EVI5L: variants seen among roughly 807,000 people sequenced by gnomAD.
EVI5L encodes the protein ecotropic viral integration site 5 like.
In EVI5L, 30 loss-of-function variants were observed where a neutral mutation model predicts 106.1. The observed-to-expected ratio is 0.28, with a 90% CI of 0.21 to 0.38. The LOEUF is 0.38. Among genes scored for constraint, EVI5L ranks in the 10% least tolerant of loss-of-function variants. The pLI is 1.00. For missense variants in EVI5L, 809 were observed against 1,098.0 expected (o/e 0.74, Z 3.72); for synonymous variants, 489 against 483.3 (o/e 1.01, Z -0.15).
Position 7,862,964 on chromosome 19 carries a change from G to T in EVI5L, c.1948-8G>T, listed in dbSNP as rs1287290337. 2.6e-6 allele frequency: 3 copies of T among 1,142,826 alleles called. No individual in the cohort carries two copies. The highest frequency in any genetic ancestry group is 4.1e-5 in the Admixed American group (2 of 48,378). 70.8% of individuals were successfully genotyped at this position (1,142,826 alleles called of 1,614,324 possible). On this transcript the variant is annotated splice_region_variant and splice_polypyrimidine_tract_variant and intron_variant, in intron 17 of 19. Transcript: ENST00000538904. ...CGCCCTCCTTTCCCCCCAATCCCCC[G>T]ACCCCAGAGCAAGGAGGAGGTGATG...
chr19:7,848,761 C>A lies in EVI5L; in HGVS notation c.328-160C>A. ...TCCAGCCTGGGTGACAGAGGGAGAC[C>A]CTGTCTCTGAAAAAAGGGGGTAAAA... is the stretch of plus-strand genomic sequence containing the variant. On this transcript the variant is annotated intron_variant, in intron 3 of 19. Transcript: ENST00000538904. This position sits in a 1 kb window ranked among gnomAD's most constrained non-coding sequence, Gnocchi z 4.8. 1 of 663,908 alleles carries A rather than the reference C, an allele frequency of 1.5e-6. No homozygotes were observed. The highest frequency in any genetic ancestry group is 2.5e-6 in the Non-Finnish European group (1 of 392,680). The allele number at this position is 663,908 out of a possible 1,614,324, so 41.1% of individuals were successfully genotyped here. A position where few individuals can be genotyped will look rare whatever the true frequency, so the allele number is the denominator to read the frequency against.
intron 10 of EVI5L, among the ~76,000 whole-genome samples, chr19:7,853,943 C>T (rs1408124933): frequency 6.6e-6 from 1 of 152,194 alleles, no homozygotes; most frequent in African/African-American, 2.4e-5. Context: ...CTCTCTCCTT[C>T]CTTGCGCATT....
intron 16 of EVI5L, 32 bp downstream of exon 16, chr19:7,862,309 G>T: frequency 6.3e-7 from 1 of 1,582,864 alleles, no homozygotes; most frequent in East Asian, 2.3e-5. Context: ...GTTGGGGAAG[G>T]GGCGTGGTGT....
rs930229314 is a variant in EVI5L, at chr19:7,848,733, C to T, written c.328-188C>T. Among the ~76,000 whole-genome samples the T allele has an allele frequency of 9.2e-5, 14 of 152,282 alleles. No homozygotes were observed. The highest frequency in any genetic ancestry group is 8.3e-4 in the South Asian group (4 of 4,834). ...GCAGGGAGCTATGATCGCACCACTG[C>T]ACTCCAGCCTGGGTGACAGAGGGAG... On this transcript the variant is annotated intron_variant, in intron 3 of 19. Transcript: ENST00000538904. This position sits in a 1 kb window ranked among gnomAD's most constrained non-coding sequence, Gnocchi z 4.8.
At chr19:7,849,484 G>A (rs530186904) in intron 5 of EVI5L, among the ~76,000 whole-genome samples, 154 bp downstream of exon 5, 2 of 152,318 alleles carry the variant, frequency 1.3e-5, no homozygotes, top group South Asian at 2.1e-4. Context: ...TCTGCCAATC[G>A]CCAGGCCAAG....
intron 1 of EVI5L, among the ~76,000 whole-genome samples, chr19:7,843,592 G>A (rs1360489029): frequency 6.8e-6 from 1 of 147,502 alleles, no homozygotes; most frequent in Non-Finnish European, 1.5e-5. Flanking sequence ...GCATGGGTGT[G>A]TGTCAAGTGT....
chr19:7,853,584 A>T (rs1979374067), intron 10 of EVI5L: 3 of 578,444 alleles, frequency 5.2e-6, no homozygotes, highest in Non-Finnish European at 6.2e-6. Context: ...GCCCAGCGTC[A>T]TGGGGAAGCA....
chr19:7,856,202 C>A lies in EVI5L; in HGVS notation c.1200+134C>A. On this transcript the variant is annotated intron_variant, in intron 11 of 19. Coordinates refer to ENST00000538904, the MANE Select transcript of EVI5L (RefSeq NM_001159944.3). The surrounding 1 kb of genome is among the most constrained non-coding windows in gnomAD (Gnocchi z 6.6). ...AGGACTAAGCAGCCCTACCTTCCTGCCCCAGGACCCGACCTGAACCCGATT... is the reference window on the plus strand; with the variant it reads ...AGGACTAAGCAGCCCTACCTTCCTGACCCAGGACCCGACCTGAACCCGATT... 1 of 878,342 alleles carries A rather than the reference C, an allele frequency of 1.1e-6. No individual in the cohort carries two copies. Among genetic ancestry groups the A allele is most frequent in the Non-Finnish European group, 1.5e-6 (1 of 653,870 alleles). The allele number at this position is 878,342 out of a possible 1,614,324, so 54.4% of individuals were successfully genotyped here.
At chr19:7,833,858 C>T (rs940612082) in intron 1 of EVI5L, among the ~76,000 whole-genome samples, 2 of 152,082 alleles carry the variant, frequency 1.3e-5, no homozygotes, top group East Asian at 1.9e-4. Context: ...GCTAGCAGCC[C>T]GGGCAATAGA....
chr19:7,860,704 C>CAG lies in EVI5L; in HGVS notation c.1503+17_1503+18dup, dbSNP rs1413162899. The stretch of plus-strand genomic sequence containing the variant: ...ACATGGAAAAGGTGCAATGGGGAGG[C>CAG]AGACGGGCAGGTGTCGGGGGGACCC... On this transcript the variant is annotated intron_variant, in intron 14 of 19. Transcript: ENST00000538904. 6.4e-7 allele frequency: 1 copy of CAG among 1,568,204 alleles called. No homozygotes were observed. The highest frequency in any genetic ancestry group is 2.3e-5 in the East Asian group (1 of 42,630).
chr19:7,831,454 G>A, intron 1 of EVI5L, among the ~76,000 whole-genome samples: 1 of 151,674 alleles, frequency 6.6e-6, no homozygotes, highest in South Asian at 2.1e-4. Context: ...CAGAGACCAT[G>A]AGGTGCCTGC....
chr19:7,863,551 G>T lies in EVI5L; in HGVS notation c.2267G>T (p.Gly756Val). ...SDEELLGVGV[G>V]AALQDALYPL... ...GAGGAGCTACTTGGCGTAGGCGTGG[G>T]CGCTGCCCTGCAGGACGCATTGTAC... The change falls in exon 20 of 20, where the codon GGC (glycine) becomes GTC (valine). Residue 756 changes from glycine to valine, a missense_variant. This residue lies in a region of EVI5L where 452 missense variants were observed against 509.9 expected (regional missense o/e 0.89). Coordinates refer to ENST00000538904, the MANE Select transcript of EVI5L (RefSeq NM_001159944.3). The surrounding 1 kb of genome is among the most constrained non-coding windows in gnomAD (Gnocchi z 7.7). 6.2e-7 allele frequency: 1 copy of T among 1,600,144 alleles called. No individual in the cohort carries two copies. Among genetic ancestry groups the T allele is most frequent in the Non-Finnish European group, 8.5e-7 (1 of 1,174,418 alleles).
At chr19:7,844,997 A>G (rs558718) in intron 1 of EVI5L, among the ~76,000 whole-genome samples, 4,695 of 152,086 alleles carry the variant, frequency 0.031, 206 homozygotes, top group African/African-American at 0.11. Flanking sequence ...GTGCCCAGTG[A>G]CCCAACGGTA....
chr19:7,852,004 A>G (rs990276825), intron 8 of EVI5L, among the ~76,000 whole-genome samples: 82 of 152,158 alleles, frequency 5.4e-4, no homozygotes, highest in Non-Finnish European at 2.6e-4. Flanking sequence ...GCAGGGAGAC[A>G]GGAGGCCCAG....
At chr19:7,839,805 C>T (rs1371692495) in intron 1 of EVI5L, among the ~76,000 whole-genome samples, 3 of 152,124 alleles carry the variant, frequency 2.0e-5, no homozygotes, top group East Asian at 1.9e-4. Flanking sequence ...TATCTGTGGT[C>T]CCAGATACTC....
Position 7,863,437 on chromosome 19 carries a change from A to G in EVI5L, c.2153A>G (p.Lys718Arg), listed in dbSNP as rs1333132688. 2 of 1,546,470 alleles carry G rather than the reference A, an allele frequency of 1.3e-6. No individual in the cohort carries two copies. The highest frequency in any genetic ancestry group is 4.9e-5 in the East Asian group (2 of 40,930). The change falls in exon 20 of 20, where the codon AAG becomes AGG. Residue 718 changes from lysine (K) to arginine (R), a missense_variant. Transcript: ENST00000538904. This position sits in a 1 kb window ranked among gnomAD's most constrained non-coding sequence, Gnocchi z 7.7. ...CCCCCGCCCCAGGTGCGGCTGCTGAAGGGCCCGCCGCCCTTCGAGGACCCG... is the reference window on the plus strand; with the variant it reads ...CCCCCGCCCCAGGTGCGGCTGCTGAGGGGCCCGCCGCCCTTCGAGGACCCG... ...EELKAEVRLL[K>R]GPPPFEDPLA...
Position 7,857,469 on chromosome 19 carries a change from G to T in EVI5L, c.1233+345G>T. 4.1e-6 allele frequency: 2 copies of T among 486,048 alleles called. No homozygotes were observed. Among genetic ancestry groups the T allele is most frequent in the South Asian group, 2.1e-5 (1 of 46,808 alleles). The allele number at this position is 486,048 out of a possible 1,614,324, so 30.1% of individuals were successfully genotyped here. A position where few individuals can be genotyped will look rare whatever the true frequency, so the allele number is the denominator to read the frequency against. Reference sequence around the variant, plus strand: ...AAGGCCCTGGTGTGTGCAGTGCTGCGGTCACACACACACACAACACATGCA... The same window carrying T: ...AAGGCCCTGGTGTGTGCAGTGCTGCTGTCACACACACACACAACACATGCA... On this transcript the variant is annotated intron_variant, in intron 12 of 19. Coordinates refer to ENST00000538904, the MANE Select transcript of EVI5L (RefSeq NM_001159944.3). The surrounding 1 kb of genome is among the most constrained non-coding windows in gnomAD (Gnocchi z 4.5).
At position 7,853,506 on chromosome 19, in the gene EVI5L, G is replaced by T. The variant is rs886244781; in HGVS notation, c.1146+173G>T. ...GCGCCGTCCTTCACCTGTTAGGCCA[G>T]CTGTGAGCGCCTCCCCCGCCTGACG... is the stretch of plus-strand genomic sequence containing the variant. On this transcript the variant is annotated intron_variant, in intron 10 of 19. Transcript: ENST00000538904. 8.9e-5 allele frequency: 74 copies of T among 833,390 alleles called. 1 individual carries two copies. Among genetic ancestry groups the T allele is most frequent in the Non-Finnish European group, 1.2e-4 (67 of 542,856 alleles). The allele number at this position is 833,390 out of a possible 1,614,324, so 51.6% of individuals were successfully genotyped here. A position where few individuals can be genotyped will look rare whatever the true frequency, so the allele number is the denominator to read the frequency against.
intron 13 of EVI5L, among the ~76,000 whole-genome samples, chr19:7,859,431 G>C (rs565225448): frequency 1.7e-3 from 261 of 152,342 alleles, no homozygotes; most frequent in African/African-American, 5.8e-3. Flanking sequence ...ATCCAATACA[G>C]AGGTGCCCCC....
Sources: gnomAD v4.1 joint callset for allele counts (sites outside exome capture counted in the v4.1 genomes callset) on GRCh38, gnomAD v4.1.1 for gene constraint, gnomAD v4.1.1 regional missense constraint, Gnocchi (gnomAD v3.1) non-coding constraint, MANE v1.5 for transcripts, NCBI Gene and HGNC (gene_info 2026-07-23, HGNC 2026-07-21) for gene names.